KCNT1: variants seen among roughly 807,000 people sequenced by gnomAD.
KCNT1 encodes potassium channel subfamily T member 1.
A neutral mutation model predicts 147.8 loss-of-function variants in KCNT1; 78 were observed. The ratio of observed to expected loss-of-function variants is 0.53; its 90% confidence interval spans 0.44 to 0.64. KCNT1 has a LOEUF of 0.64. Among genes scored for constraint, KCNT1 ranks in the 30% least tolerant of loss-of-function variants. The pLI is 0.00. For missense variants in KCNT1, 1,419 were observed against 1,750.3 expected (o/e 0.81, Z 3.38); for synonymous variants, 867 against 748.8 (o/e 1.16, Z -2.58).
intron 6 of KCNT1, among the ~76,000 whole-genome samples, chr9:135,756,466 T>C (rs1452622515): frequency 1.3e-5 from 2 of 152,116 alleles, no homozygotes; most frequent in Non-Finnish European, 2.9e-5. Context: ...ACCCCTATCA[T>C]GTTCCAGAGG....
intron 29 of KCNT1, among the ~76,000 whole-genome samples, chr9:135,788,443 C>G (rs1834238548): frequency 6.6e-6 from 1 of 152,266 alleles, no homozygotes; most frequent in Admixed American, 6.5e-5. Flanking sequence ...AGCTCTCGGG[C>G]TCACCCTGGT....
intron 1 of KCNT1, among the ~76,000 whole-genome samples, chr9:135,713,659 C>A (rs978497584): frequency 6.6e-6 from 1 of 152,228 alleles, no homozygotes; most frequent in Non-Finnish European, 1.5e-5. Flanking sequence ...CTCCATCCCC[C>A]CTCTGCTCTC....
intron 1 of KCNT1, among the ~76,000 whole-genome samples, chr9:135,708,405 G>A (rs371823598): frequency 4.6e-5 from 7 of 152,188 alleles, no homozygotes; most frequent in African/African-American, 1.4e-4. Flanking sequence ...GCGTATTTAC[G>A]TGCTTACATG....
rs557042330 is a variant in KCNT1 at position 135,784,583 on chromosome 9, C to T, written c.2992C>T (p.Leu998=). 11 of 1,596,774 alleles carry T rather than the reference C, an allele frequency of 6.9e-6. No homozygotes were observed. The South Asian group carries it at 9.9e-5, about 14-fold the overall frequency. ...CACCATCACCCGGCTGCTGCTGGGC[C>T]TGGACACCACGCCGGGCTCGGGGTA... is the stretch of plus-strand genomic sequence containing the variant. The part of the protein sequence containing the change: ...MITITRLLLG[L]DTTPGSGYLC... Residue 998 remains leucine, a synonymous_variant, in exon 26 of 31, where the codon CTG becomes TTG. Transcript: ENST00000371757.
chr9:135,736,533 G>A (rs1394076165), intron 2 of KCNT1: 1 of 151,404 alleles, frequency 6.6e-6, no homozygotes. Flanking sequence ...TCCACTGCGC[G>A]GCGGCGTGGG....
chr9:135,729,848 G>A (rs1450712458), intron 2 of KCNT1, among the ~76,000 whole-genome samples: 1 of 152,154 alleles, frequency 6.6e-6, no homozygotes, highest in East Asian at 1.9e-4. Flanking sequence ...GTCAAAGATG[G>A]CCTGATGGAC....
rs1360845970 is a variant in KCNT1 at position 135,794,670 on chromosome 9, G to A, written c.*2509G>A. ...CCAGGGGCTGGAACCAGGCAGGTCAGTGACTGTGAGATGCCAGCTGCCAGC... is the reference window on the plus strand; with the variant it reads ...CCAGGGGCTGGAACCAGGCAGGTCAATGACTGTGAGATGCCAGCTGCCAGC... On this transcript the variant is annotated 3_prime_UTR_variant, in exon 31 of 31. Coordinates refer to ENST00000371757, the MANE Select transcript of KCNT1 (RefSeq NM_020822.3). The A allele has an allele frequency of 6.6e-6, 1 of 152,268 alleles. No individual in the cohort carries two copies. The highest frequency in any genetic ancestry group is 1.5e-5 in the Non-Finnish European group (1 of 68,064). The allele number at this position is 152,268 out of a possible 1,614,324, so 9.4% of individuals were successfully genotyped here. A position where few individuals can be genotyped will look rare whatever the true frequency, so the allele number is the denominator to read the frequency against.
intron 2 of KCNT1, among the ~76,000 whole-genome samples, chr9:135,729,091 G>A (rs1333642084): frequency 6.6e-6 from 1 of 152,234 alleles, no homozygotes; most frequent in Non-Finnish European, 1.5e-5. Context: ...TTATACAAAG[G>A]AGGAATGGGG....
At chr9:135,776,443 T>C (rs972513277) in intron 20 of KCNT1, among the ~76,000 whole-genome samples, 9 of 152,022 alleles carry the variant, frequency 5.9e-5, no homozygotes, top group African/African-American at 2.2e-4. Context: ...ATTTATTTAT[T>C]TTTTGTAGTG....
At chr9:135,764,081 G>A (rs1247675191) in intron 11 of KCNT1, among the ~76,000 whole-genome samples, 2 of 152,166 alleles carry the variant, frequency 1.3e-5, no homozygotes, top group Non-Finnish European at 1.5e-5. Context: ...AGTGCAATGC[G>A]ATGGTCCCAT....
rs1262411758 is a variant in KCNT1 at position 135,756,875 on chromosome 9, C to T, written c.543C>T (p.Val181=). Residue 181 remains valine, a splice_region_variant and synonymous_variant, in exon 7 of 31, where the codon GTC becomes GTT. Coordinates refer to ENST00000371757, the MANE Select transcript of KCNT1 (RefSeq NM_020822.3). ...TCCTTCCCTTTCCTGACTCCCAGGT[C>T]ATCGTGGCCATAATAAGCTTCCTGG... ...ERKMTLWAIQ[V]IVAIISFLET... is the part of the protein sequence containing the mutation. The T allele has an allele frequency of 1.2e-6, 2 of 1,613,272 alleles. No homozygotes were observed. The highest frequency in any genetic ancestry group is 2.2e-5 in the East Asian group (1 of 44,828).
chr9:135,777,421 C>G lies in KCNT1; in HGVS notation c.2433C>G (p.Gly811=). Residue 811 remains glycine, a synonymous_variant, in exon 21 of 31, where the codon GGC becomes GGG. Transcript: ENST00000371757. ...KLIIVSAETA[G]NGLYNFIVPL... ...TCATCGTCTCGGCAGAGACGGCCGG[C>G]AATGGGCTGTACAACTTCATCGTGC... The G allele has an allele frequency of 1.9e-6, 3 of 1,613,586 alleles. No homozygotes were observed. The highest frequency in any genetic ancestry group is 2.5e-6 in the Non-Finnish European group (3 of 1,179,538).
chr9:135,765,598 G>A (rs1832211391), intron 12 of KCNT1, 26 bp from the exon 13 acceptor site: 2 of 1,597,920 alleles, frequency 1.3e-6, no homozygotes, highest in Non-Finnish European at 1.7e-6. Flanking sequence ...TGGCTCAGAG[G>A]GTCTGACCCT....
intron 18 of KCNT1, among the ~76,000 whole-genome samples, chr9:135,771,898 C>T (rs1188973589): frequency 6.6e-6 from 1 of 152,018 alleles, no homozygotes; most frequent in Admixed American, 6.5e-5. Flanking sequence ...CAGAGGCTGA[C>T]CCTATGGGGC....
chr9:135,771,186 AGACCAGGCAGGACAGGGGGAGGT>A lies in KCNT1; in HGVS notation c.2008+99_2008+121del, dbSNP rs1271113465. On this transcript the variant is annotated intron_variant, in intron 18 of 30. Transcript: ENST00000371757. ...CCGGCAGGTGACCAGGTGGGATGGG[AGACCAGGCAGGACAGGGGGAGGT>A]GACCAGGTGGGACAGGAGACCAGGC... is the stretch of plus-strand genomic sequence containing the variant. 18 of 1,213,964 alleles carry A rather than the reference AGACCAGGCAGGACAGGGGGAGGT, an allele frequency of 1.5e-5. No homozygotes were observed. In the East Asian group the frequency reaches 1.7e-4, roughly 12 times the overall value. The allele number at this position is 1,213,964 out of a possible 1,614,324, so 75.2% of individuals were successfully genotyped here.
chr9:135,713,942 C>T (rs2131327667), intron 1 of KCNT1, among the ~76,000 whole-genome samples: 1 of 152,316 alleles, frequency 6.6e-6, no homozygotes, highest in Middle Eastern at 3.4e-3. Context: ...GTGACAGTGG[C>T]AGGGCAGCTC....
chr9:135,755,183 C>G lies in KCNT1; in HGVS notation c.540+14C>G. 1.9e-6 allele frequency: 3 copies of G among 1,604,940 alleles called. No individual in the cohort carries two copies. Among genetic ancestry groups the G allele is most frequent in the African/African-American group, 1.3e-5 (1 of 74,578 alleles). On this transcript the variant is annotated intron_variant, in intron 6 of 30. Transcript: ENST00000371757. ...TGGGCGATCCAGGTGAGTGCCCTAC[C>G]CTGCCCCCCTCCCGACTGCAGTGGT...
intron 24 of KCNT1, among the ~76,000 whole-genome samples, chr9:135,783,150 C>T (rs1246322326): frequency 2.0e-5 from 3 of 152,168 alleles, no homozygotes; most frequent in Non-Finnish European, 2.9e-5. Flanking sequence ...GTCCGGAGCC[C>T]GTGGATGTAC....
At position 135,757,399 on chromosome 9, in the gene KCNT1, G is replaced by A. The variant is rs748532863; in HGVS notation, c.759+18G>A. The A allele has an allele frequency of 1.2e-5, 19 of 1,602,156 alleles. No homozygotes were observed. Among genetic ancestry groups the A allele is most frequent in the Non-Finnish European group, 1.5e-5 (18 of 1,178,408 alleles). On this transcript the variant is annotated intron_variant, in intron 9 of 30. Coordinates refer to ENST00000371757, the MANE Select transcript of KCNT1 (RefSeq NM_020822.3). ...ACATGATTGTAAGCCGGGGCGGGGG[G>A]TGCAGCTGGGACTTGGGGGGGCCAC... is the stretch of plus-strand genomic sequence containing the variant.
Sources: gnomAD v4.1 joint callset for allele counts (sites outside exome capture counted in the v4.1 genomes callset) on GRCh38, gnomAD v4.1.1 for gene constraint, MANE v1.5 for transcripts, NCBI Gene and HGNC (gene_info 2026-07-23, HGNC 2026-07-21) for gene names.